ARHGAP5: variants seen among roughly 807,000 people sequenced by gnomAD.
ARHGAP5 encodes Rho GTPase activating protein 5, also known as rho GTPase-activating protein 5.
A neutral mutation model predicts 116.6 loss-of-function variants in ARHGAP5; 23 were observed. The ratio of observed to expected loss-of-function variants is 0.20; its 90% CI spans 0.14 to 0.28. The LOEUF (loss-of-function observed/expected upper bound fraction) is 0.28, where lower values mean the gene tolerates loss of function less well. ARHGAP5 is among the 10% of genes least tolerant of loss of function. The pLI, the probability that ARHGAP5 is intolerant of heterozygous loss-of-function variation, is 1.00. For synonymous variants in ARHGAP5, 574 were observed against 602.0 expected (o/e 0.95, Z 0.68); for missense variants, 1,405 against 1,774.8 (o/e 0.79, Z 3.74).
At chr14:32,130,882 C>T (rs1880451217) in intron 3 of ARHGAP5, among the ~76,000 whole-genome samples, 1 of 152,108 alleles carries the variant, frequency 6.6e-6, no homozygotes, top group African/African-American at 2.4e-5. Flanking sequence ...AGAAATGTTA[C>T]AAGAATAGTA....
At chr14:32,110,631 A>G (rs1879246253) in intron 2 of ARHGAP5, among the ~76,000 whole-genome samples, 1 of 152,174 alleles carries the variant, frequency 6.6e-6, no homozygotes, top group Non-Finnish European at 1.5e-5. Context: ...TGCAGATTGT[A>G]CATGTCTATT....
Position 32,149,990 on chromosome 14 carries a change from T to G in ARHGAP5, c.4032T>G (p.Pro1344=), listed in dbSNP as rs573859185. 6.8e-6 allele frequency: 11 copies of G among 1,608,496 alleles called. No individual in the cohort carries two copies. In the African/African-American group the frequency reaches 8.0e-5, roughly 12 times the overall value. The change falls in exon 5 of 7, where the codon CCT becomes CCG. Residue 1344 remains proline (P), a synonymous_variant. Transcript: ENST00000345122. The part of the protein sequence containing the change: ...LKAFFADLPD[P]LIPYSLHPEL... ...CTTTCTTTGCAGATCTGCCAGATCC[T>G]TTAATTCCATATTCTCTTCATCCAG...
rs781589674 is a variant in ARHGAP5, at chr14:32,094,339, G to A, written c.3670G>A (p.Asp1224Asn). The change falls in exon 2 of 7, where the codon GAT becomes AAT. Residue 1224 changes from aspartate to asparagine, a missense_variant. Transcript: ENST00000345122. ...AATCACTTCTGACCAGGAGTTAGAT[G>A]ATAAGAAGATGAAGAAGAAAACCCA... ...PAITSDQELD[D>N]KKMKKKTHKV... The A allele has an allele frequency of 6.3e-7, 1 of 1,591,010 alleles. No individual in the cohort carries two copies.
intron 3 of ARHGAP5, among the ~76,000 whole-genome samples, chr14:32,132,739 A>G (rs1414877317): frequency 6.6e-6 from 1 of 152,162 alleles, no homozygotes; most frequent in Non-Finnish European, 1.5e-5. Context: ...TAAGTCTTTA[A>G]TCCATCTTGA....
intron 3 of ARHGAP5, among the ~76,000 whole-genome samples, chr14:32,120,673 CTT>C (rs1879840929): frequency 6.8e-6 from 1 of 146,900 alleles, no homozygotes; most frequent in South Asian, 2.1e-4. Context: ...TTTTCCACAT[CTT>C]TTTTGTTCAT....
At chr14:32,154,062 G>A (rs1221991785) in intron 6 of ARHGAP5, 2 of 152,776 alleles carry the variant, frequency 1.3e-5, no homozygotes, top group African/African-American at 2.4e-5. Flanking sequence ...AGTAGTCAAA[G>A]AAGTTACATA....
intron 6 of ARHGAP5, 79 bp from the exon 7 acceptor site, chr14:32,154,542 T>G: frequency 3.0e-5 from 35 of 1,185,784 alleles, no homozygotes; most frequent in Non-Finnish European, 3.9e-5. Context: ...ACATTAAATC[T>G]GAGATCATTT....
intron 1 of ARHGAP5, among the ~76,000 whole-genome samples, chr14:32,078,574 G>T (rs1193172817): frequency 6.6e-6 from 1 of 152,096 alleles, no homozygotes. Context: ...ATGCTTCGCT[G>T]TATTTACTAG....
intron 2 of ARHGAP5, among the ~76,000 whole-genome samples, chr14:32,107,693 G>A (rs1879080258): frequency 6.6e-6 from 1 of 152,198 alleles, no homozygotes; most frequent in South Asian, 2.1e-4. Context: ...TACTAAGATA[G>A]CAAAGACTAA....
chr14:32,138,709 C>A (rs1217404476), intron 3 of ARHGAP5, among the ~76,000 whole-genome samples: 1 of 152,082 alleles, frequency 6.6e-6, no homozygotes, highest in Non-Finnish European at 1.5e-5. Flanking sequence ...TTTTTCCTTG[C>A]CTAAAACTCC....
At position 32,154,562 on chromosome 14, in the gene ARHGAP5, G is replaced by A. The variant is rs1263277663; in HGVS notation, c.4182-59G>A. The A allele has an allele frequency of 1.7e-5, 22 of 1,322,012 alleles. No individual in the cohort carries two copies. The South Asian group carries it at 2.9e-4, about 18-fold the overall frequency. 81.9% of individuals were successfully genotyped at this position (1,322,012 alleles called of 1,614,324 possible). On this transcript the variant is annotated intron_variant, in intron 6 of 6. Transcript: ENST00000345122. ...AAATCTGAGATCATTTCTAGCTCTG[G>A]AATTCTGTGATTGTAATGAGTTTTG...
intron 2 of ARHGAP5, among the ~76,000 whole-genome samples, chr14:32,106,632 G>C (rs554229284): frequency 6.6e-6 from 1 of 152,254 alleles, no homozygotes; most frequent in African/African-American, 2.4e-5. Flanking sequence ...TGTAACCTCT[G>C]TATAAAGTTC....
chr14:32,077,955 TCTCCTCGA>T (rs1354989914), intron 1 of ARHGAP5, among the ~76,000 whole-genome samples: 2 of 152,072 alleles, frequency 1.3e-5, no homozygotes, highest in African/African-American at 4.8e-5. Flanking sequence ...CTTTCCCTCA[TCTCCTCGA>T]CTCCTCCCTG....
Position 32,094,069 on chromosome 14 carries a change from GA to G in ARHGAP5, c.3404del (p.Asn1135MetfsTer88). 3 of 1,614,000 alleles carry G rather than the reference GA, an allele frequency of 1.9e-6. No individual in the cohort carries two copies. The highest frequency in any genetic ancestry group is 2.5e-6 in the Non-Finnish European group (3 of 1,179,964). ...TGTAAATAACACCCAAGGAGATGAA[GA>G]AAATGGGTTTTCTGATAGAACCTCA... ...SFVNNTQGDEENGFSDRTSKS... is the reference protein window; with the variant it reads ...SFVNNTQGDEXNGFSDRTSKS... On this transcript the variant is annotated frameshift_variant, in exon 2 of 7. Transcript: ENST00000345122. LOFTEE classifies it high-confidence loss of function.
intron 3 of ARHGAP5, among the ~76,000 whole-genome samples, chr14:32,140,086 G>GTTTTTTTTTTTTTTTT (rs1566681639): frequency 4.6e-5 from 2 of 43,634 alleles, no homozygotes; most frequent in African/African-American, 9.5e-5. Flanking sequence ...TTTTTTTTTA[G>GTTTTTTTTTTTTTTTT]GTTATTTGTT....
chr14:32,118,580 T>A (rs1008685382), intron 3 of ARHGAP5, among the ~76,000 whole-genome samples: 1 of 152,196 alleles, frequency 6.6e-6, no homozygotes, highest in Non-Finnish European at 1.5e-5. Flanking sequence ...AGTTAATAAG[T>A]GTTAATTTAT....
intron 1 of ARHGAP5, among the ~76,000 whole-genome samples, chr14:32,089,686 A>G (rs781709777): frequency 1.6e-4 from 24 of 151,906 alleles, no homozygotes; most frequent in Non-Finnish European, 2.8e-4. Context: ...TGTAACTATT[A>G]TGAGAGGAAG....
chr14:32,110,245 T>C (rs1192163483), intron 2 of ARHGAP5, among the ~76,000 whole-genome samples: 1 of 148,154 alleles, frequency 6.7e-6, no homozygotes, highest in East Asian at 2.0e-4. Context: ...AGTAGTTACA[T>C]AGTGTTGTAG....
At chr14:32,135,056 A>G (rs1006698313) in intron 3 of ARHGAP5, among the ~76,000 whole-genome samples, 2 of 152,152 alleles carry the variant, frequency 1.3e-5, no homozygotes, top group South Asian at 2.1e-4. Context: ...CATTCCCAGC[A>G]TTGTTTGTCT....
Sources: gnomAD v4.1 joint callset for allele counts (sites outside exome capture counted in the v4.1 genomes callset) on GRCh38, gnomAD v4.1.1 for gene constraint, MANE v1.5 for transcripts, NCBI Gene and HGNC (gene_info 2026-07-23, HGNC 2026-07-21) for gene names.